Variants in NXPE1 observed in about 807,000 individuals in gnomAD.
NXPE1 encodes neurexophilin and PC-esterase domain family member 1.
A neutral mutation model predicts 33.3 loss-of-function variants in NXPE1; 31 were observed. The ratio of observed to expected loss-of-function variants is 0.93; its 90% CI spans 0.70 to 1.26. The LOEUF is 1.26. Among genes scored for constraint, NXPE1 ranks in the 50% most tolerant of loss-of-function variants. The probability of loss-of-function intolerance (pLI) is 0.00; values close to 1 mark genes in which losing one functional copy is unlikely to be tolerated. For synonymous variants in NXPE1, 229 were observed against 231.4 expected, an observed-to-expected ratio of 0.99 and a Z score of 0.09; for missense variants, 661 against 655.6, an observed-to-expected ratio of 1.01 and a Z score of -0.09.
At chr11:114,551,393 C>G in exon 4 of NXPE1, 1 of 1,354,004 alleles carries the variant, frequency 7.4e-7, no homozygotes, top group African/African-American at 1.5e-5. Flanking sequence ...CTATTGGATA[C>G]TTCTTGTCGA....
chr11:114,558,399 ATAGT>A (rs1591314210), intron 1 of NXPE1, among the ~76,000 whole-genome samples: 1 of 152,134 alleles, frequency 6.6e-6, no homozygotes, highest in Non-Finnish European at 1.5e-5. Flanking sequence ...CCTTGTTTTC[ATAGT>A]TAGTTTCAAC....
rs902241324 is a variant in NXPE1 at position 114,544,377 on chromosome 11, G to C, written c.99+6726C>G. Among the ~76,000 whole-genome samples, 3 of 152,132 alleles carry C rather than the reference G, an allele frequency of 2.0e-5. No homozygotes were observed. The East Asian group carries it at 5.8e-4, about 29-fold the overall frequency. On this transcript the variant is annotated intron_variant, in intron 5 of 8. Coordinates refer to ENST00000534921, the Ensembl canonical transcript of NXPE1. Reference sequence around the variant, plus strand: ...GACAATGCAGTGTTGGTGAAAGAATGAACAGATTAATCAAGGGAACATAAT... The same window carrying C: ...GACAATGCAGTGTTGGTGAAAGAATCAACAGATTAATCAAGGGAACATAAT...
rs754802719 is a variant in NXPE1 at position 114,540,885 on chromosome 11, T to TTTTTTTTTTTTG, written c.100-9978_100-9977insCAAAAAAAAAAA. ...TTTTTTTTTTTTTTTTTTTTTTTTT[T>TTTTTTTTTTTTG]GGCTTGAACAACCTGAGAGCAGAGT... On this transcript the variant is annotated intron_variant, in intron 5 of 8. Transcript: ENST00000534921. 1.8e-4 allele frequency among the ~76,000 whole-genome samples: 15 copies of TTTTTTTTTTTTG among 81,242 alleles called. 3 individuals carry two copies. Among genetic ancestry groups the TTTTTTTTTTTTG allele is most frequent in the Non-Finnish European group, 2.9e-4 (12 of 40,696 alleles). The allele number at this position is 81,242 out of a possible 152,430, so 53.3% of individuals were successfully genotyped here.
At chr11:114,531,888 T>C (rs898449349) in intron 5 of NXPE1, among the ~76,000 whole-genome samples, 4 of 152,226 alleles carry the variant, frequency 2.6e-5, no homozygotes, top group Non-Finnish European at 5.9e-5. Flanking sequence ...GATTTTCCAA[T>C]CTTGCTGGTA....
intron 5 of NXPE1, among the ~76,000 whole-genome samples, chr11:114,537,792 A>C (rs990917603): frequency 3.3e-5 from 5 of 152,012 alleles, no homozygotes; most frequent in Non-Finnish European, 7.4e-5. Context: ...GGATACAAAC[A>C]AATGGAAGAA....
At chr11:114,557,083 G>A (rs992075482) in intron 1 of NXPE1, among the ~76,000 whole-genome samples, 4 of 151,742 alleles carry the variant, frequency 2.6e-5, no homozygotes, top group South Asian at 2.1e-4. Context: ...TAGTAGAGAC[G>A]GGGTTTCACC....
chr11:114,545,019 C>T (rs1948225886), intron 5 of NXPE1, among the ~76,000 whole-genome samples: 1 of 152,018 alleles, frequency 6.6e-6, no homozygotes, highest in South Asian at 2.1e-4. Flanking sequence ...AATACTAATA[C>T]ATATCAATTA....
exon 7 of NXPE1, chr11:114,527,899 G>T: frequency 6.5e-7 from 1 of 1,547,958 alleles, no homozygotes; most frequent in Non-Finnish European, 8.6e-7. Context: ...TCCCACTTTG[G>T]ACCTTCAAAA....
chr11:114,528,812 G>T, intron 6 of NXPE1: 1 of 680,564 alleles, frequency 1.5e-6, no homozygotes. Context: ...TCCTGCTATA[G>T]ATGTCTCTCC....
intron 5 of NXPE1, among the ~76,000 whole-genome samples, chr11:114,539,599 T>G (rs1948004059): frequency 2.6e-5 from 4 of 152,170 alleles, no homozygotes; most frequent in Admixed American, 2.6e-4. Context: ...CAAAAAAAAT[T>G]AAAAATTTTC....
At chr11:114,537,506 T>A (rs992477610) in intron 5 of NXPE1, among the ~76,000 whole-genome samples, 1 of 152,188 alleles carries the variant, frequency 6.6e-6, no homozygotes, top group Non-Finnish European at 1.5e-5. Flanking sequence ...TGTTTGCAGA[T>A]GACATGATTG....
At chr11:114,533,266 T>C (rs899454533) in intron 5 of NXPE1, among the ~76,000 whole-genome samples, 1 of 152,090 alleles carries the variant, frequency 6.6e-6, no homozygotes, top group Non-Finnish European at 1.5e-5. Flanking sequence ...ACTCACAAAC[T>C]CAAAAGCATT....
intron 5 of NXPE1, among the ~76,000 whole-genome samples, chr11:114,535,487 C>G (rs1423805825): frequency 6.6e-6 from 1 of 152,114 alleles, no homozygotes; most frequent in Non-Finnish European, 1.5e-5. Context: ...CACAGACTGG[C>G]AAATTGGATA....
intron 5 of NXPE1, among the ~76,000 whole-genome samples, chr11:114,532,465 G>C (rs1188833798): frequency 6.6e-6 from 1 of 151,994 alleles, no homozygotes; most frequent in Non-Finnish European, 1.5e-5. Flanking sequence ...ATAACAGTAA[G>C]AATAAGAATA....
In NXPE1 at chr11:114,556,017, G is replaced by GTA. The variant is rs530200550; in HGVS notation, c.-210-3139_-210-3138dup. On this transcript the variant is annotated intron_variant, in intron 1 of 8. Transcript: ENST00000534921. Reference sequence around the variant, plus strand: ...AAATGTTTTAATTTCTTTTTGGTAAGTACCTAAGGGTGGAATGACAGGGCC... The same window carrying GTA: ...AAATGTTTTAATTTCTTTTTGGTAAGTATACCTAAGGGTGGAATGACAGGGCC... Among the ~76,000 whole-genome samples, 871 of 152,270 alleles carry GTA rather than the reference G, an allele frequency of 5.7e-3. 3 individuals are homozygous for GTA. The highest frequency in any genetic ancestry group is 7.7e-3 in the Non-Finnish European group (527 of 68,012).
exon 9 of NXPE1, chr11:114,522,313 G>A: frequency 6.2e-7 from 1 of 1,614,058 alleles, no homozygotes; most frequent in South Asian, 1.1e-5. Context: ...TGATGACGAT[G>A]GCTGTGTTTT....
chr11:114,535,099 G>A lies in NXPE1; in HGVS notation c.100-4191C>T, dbSNP rs185994253. Among the ~76,000 whole-genome samples, 790 of 152,306 alleles carry A rather than the reference G, an allele frequency of 5.2e-3. 7 individuals carry two copies. Among genetic ancestry groups the A allele is most frequent in the African/African-American group, 0.018 (749 of 41,554 alleles). On this transcript the variant is annotated intron_variant, in intron 5 of 8. Transcript: ENST00000534921. ...GCTGATCTCTTGCCAGAAACTCTAC[G>A]AGCCAGAAGAGAGTGGGGACCAATA...
intron 5 of NXPE1, among the ~76,000 whole-genome samples, chr11:114,537,435 A>G (rs1189570577): frequency 6.6e-6 from 1 of 152,196 alleles, no homozygotes; most frequent in Non-Finnish European, 1.5e-5. Context: ...GGCCAAGAAA[A>G]TGAGGCAGGA....
chr11:114,529,839 C>T (rs1370622676), intron 6 of NXPE1: 1 of 243,078 alleles, frequency 4.1e-6, no homozygotes, highest in Non-Finnish European at 7.9e-6. Context: ...TGGATCAACG[C>T]AAAGATATTT....
Sources: allele counts gnomAD v4.1 joint callset (sites outside exome capture counted in the v4.1 genomes callset), GRCh38; gene constraint gnomAD v4.1.1; transcripts MANE v1.5; gene names NCBI Gene and HGNC (gene_info 2026-07-23, HGNC 2026-07-21).